ADAM18: variants seen among roughly 807,000 people sequenced by gnomAD.
ADAM18 encodes ADAM metallopeptidase domain 18, also known as disintegrin and metalloproteinase domain-containing protein 18.
ADAM18 carries 117 observed loss-of-function variants against 94.4 expected under a neutral mutation model. The observed-to-expected ratio is 1.24, with a 90% CI of 1.07 to 1.45. ADAM18 has a LOEUF of 1.45. Among genes scored for constraint, ADAM18 ranks in the 40% most tolerant of loss-of-function variants. ADAM18 has a pLI of 0.00. For missense variants in ADAM18, 936 were observed against 880.0 expected, an observed-to-expected ratio of 1.06 and a Z score of -0.81; for synonymous variants, 327 against 291.6, an observed-to-expected ratio of 1.12 and a Z score of -1.24.
At chr8:39,667,193 G>C (rs1242919003) in intron 13 of ADAM18, among the ~76,000 whole-genome samples, 1 of 152,020 alleles carries the variant, frequency 6.6e-6, no homozygotes, top group East Asian at 1.9e-4. Flanking sequence ...CCTGAGGTCA[G>C]GAGTTTGAGA....
chr8:39,664,923 AT>A (rs775461468), intron 13 of ADAM18, among the ~76,000 whole-genome samples: 11 of 151,796 alleles, frequency 7.2e-5, no homozygotes, highest in African/African-American at 1.7e-4. Context: ...TATTCTATGT[AT>A]TTTTTTTGTT....
intron 15 of ADAM18, among the ~76,000 whole-genome samples, chr8:39,678,728 G>T (rs1821360693): frequency 6.6e-6 from 1 of 152,106 alleles, no homozygotes; most frequent in African/African-American, 2.4e-5. Flanking sequence ...AAGAAACCTG[G>T]AAGAAATTGT....
intron 2 of ADAM18, among the ~76,000 whole-genome samples, chr8:39,604,234 A>C (rs1056714843): frequency 2.0e-5 from 3 of 152,068 alleles, no homozygotes; most frequent in Admixed American, 6.5e-5. Context: ...AAAAAATTAC[A>C]AAAAAACATA....
At chr8:39,598,780 A>AC (rs1315421080) in intron 2 of ADAM18, among the ~76,000 whole-genome samples, 4 of 151,722 alleles carry the variant, frequency 2.6e-5, no homozygotes, top group African/African-American at 4.8e-5. Context: ...AAAAAAAAAA[A>AC]AACAACAAAA....
chr8:39,632,883 C>A (rs1186222762), intron 7 of ADAM18, among the ~76,000 whole-genome samples: 3 of 152,102 alleles, frequency 2.0e-5, no homozygotes, highest in Non-Finnish European at 2.9e-5. Context: ...TTACTTTCTA[C>A]AAGTTAGATT....
At chr8:39,716,288 T>C (rs1040338117) in intron 18 of ADAM18, among the ~76,000 whole-genome samples, 5 of 151,984 alleles carry the variant, frequency 3.3e-5, no homozygotes, top group African/African-American at 1.2e-4. Flanking sequence ...AATGTTAGGT[T>C]GTTTATTTGA....
intron 18 of ADAM18, among the ~76,000 whole-genome samples, chr8:39,709,034 C>G (rs1238523764): frequency 6.6e-6 from 1 of 152,216 alleles, no homozygotes; most frequent in African/African-American, 2.4e-5. Context: ...GGTGGTAGCT[C>G]TCTGCCAGCA....
intron 16 of ADAM18, among the ~76,000 whole-genome samples, chr8:39,689,280 C>T (rs2129580793): frequency 6.6e-6 from 1 of 152,248 alleles, no homozygotes; most frequent in African/African-American, 2.4e-5. Context: ...AAATCATTGC[C>T]TGCGCCTATG....
intron 2 of ADAM18, among the ~76,000 whole-genome samples, chr8:39,589,196 A>G (rs1818497484): frequency 6.6e-6 from 1 of 152,226 alleles, no homozygotes; most frequent in African/African-American, 2.4e-5. Flanking sequence ...ATTCAACAGC[A>G]GAATTCCAAG....
chr8:39,651,099 A>C (rs996579536), intron 12 of ADAM18, among the ~76,000 whole-genome samples: 15 of 152,354 alleles, frequency 9.8e-5, no homozygotes, highest in Non-Finnish European at 1.8e-4. Flanking sequence ...TAAAGAAAAA[A>C]GTGCTGTGCT....
At position 39,661,106 on chromosome 8, in the gene ADAM18, C is replaced by T. The variant is rs191706487; in HGVS notation, c.1231-2689C>T. Among the ~76,000 whole-genome samples, 10 of 150,272 alleles carry T rather than the reference C, an allele frequency of 6.7e-5. No individual in the cohort carries two copies. In the East Asian group the frequency reaches 2.0e-3, roughly 29 times the overall value. On this transcript the variant is annotated intron_variant, in intron 12 of 19. Coordinates refer to ENST00000265707, the MANE Select transcript of ADAM18 (RefSeq NM_014237.3). ...GTACATGATCAGGATGCCTATATGA[C>T]CATACTCAAATAAAAAAAAAACCAA...
intron 16 of ADAM18, among the ~76,000 whole-genome samples, chr8:39,690,259 G>A (rs1449314702): frequency 2.6e-5 from 4 of 152,102 alleles, no homozygotes; most frequent in Non-Finnish European, 4.4e-5. Context: ...TAGGGCAGAG[G>A]CACTCCAGCA....
At chr8:39,680,838 T>C (rs1369922512) in intron 16 of ADAM18, among the ~76,000 whole-genome samples, 1 of 151,676 alleles carries the variant, frequency 6.6e-6, no homozygotes, top group African/African-American at 2.4e-5. Flanking sequence ...CACATAGCAA[T>C]TATAGAGTGT....
chr8:39,726,257 TACACAC>T (rs34664356), intron 19 of ADAM18, among the ~76,000 whole-genome samples: 1 of 145,478 alleles, frequency 6.9e-6, no homozygotes, highest in Non-Finnish European at 1.5e-5. Flanking sequence ...GTATGAGATC[TACACAC>T]ACACACACAC....
At chr8:39,653,296 T>TA (rs1820589498) in intron 12 of ADAM18, among the ~76,000 whole-genome samples, 1 of 152,090 alleles carries the variant, frequency 6.6e-6, no homozygotes, top group Non-Finnish European at 1.5e-5. Context: ...GTCGATTTTT[T>TA]AAAAAATGTA....
At chr8:39,677,056 A>G (rs1230768033) in intron 14 of ADAM18, among the ~76,000 whole-genome samples, 1 of 152,154 alleles carries the variant, frequency 6.6e-6, no homozygotes, top group South Asian at 2.1e-4. Context: ...CAGGAGGTAG[A>G]CTCTGGAAAA....
intron 19 of ADAM18, among the ~76,000 whole-genome samples, chr8:39,726,673 T>C (rs937672608): frequency 5.3e-5 from 8 of 152,164 alleles, no homozygotes; most frequent in African/African-American, 1.7e-4. Flanking sequence ...AGAAGTTTTA[T>C]AGTTTCAGGT....
At chr8:39,641,531 G>T (rs1268145015) in intron 10 of ADAM18, among the ~76,000 whole-genome samples, 1 of 151,834 alleles carries the variant, frequency 6.6e-6, no homozygotes, top group Non-Finnish European at 1.5e-5. Flanking sequence ...GTTGTTCCAT[G>T]TGTCTAGGTG....
At chr8:39,655,467 A>G (rs1820659311) in intron 12 of ADAM18, among the ~76,000 whole-genome samples, 1 of 152,140 alleles carries the variant, frequency 6.6e-6, no homozygotes, top group Admixed American at 6.5e-5. Flanking sequence ...ATCTCAATGG[A>G]TAGATAATAA....
Sources: gnomAD v4.1 joint callset for allele counts (sites outside exome capture counted in the v4.1 genomes callset) on GRCh38, gnomAD v4.1.1 for gene constraint, MANE v1.5 for transcripts, NCBI Gene and HGNC (gene_info 2026-07-23, HGNC 2026-07-21) for gene names.